Variants in TRIM50 observed in about 807,000 individuals in gnomAD.
TRIM50 encodes E3 ubiquitin-protein ligase TRIM50.
In TRIM50, 34 loss-of-function variants were observed where a neutral mutation model predicts 44.9. That is an observed-to-expected ratio of 0.76 (90% CI 0.58 to 1.01). TRIM50 has a LOEUF of 1.01. TRIM50 is among the 50% of genes least tolerant of loss of function. TRIM50 has a pLI of 0.00. For missense variants in TRIM50, 633 were observed against 663.7 expected (o/e 0.95, Z 0.51); for synonymous variants, 307 against 291.1 (o/e 1.05, Z -0.56).
intron 6 of TRIM50, 148 bp downstream of exon 6, chr7:73,316,417 T>C: frequency 9.0e-7 from 1 of 1,108,142 alleles, no homozygotes; most frequent in South Asian, 1.8e-5. Flanking sequence ...CCCAAGCTGT[T>C]CGGAAACTCA....
intron 5 of TRIM50, among the ~76,000 whole-genome samples, chr7:73,318,277 T>A (rs1583778628): frequency 6.6e-6 from 1 of 152,148 alleles, no homozygotes; most frequent in Non-Finnish European, 1.5e-5. Flanking sequence ...TATAGGCACA[T>A]GACACCATGC....
In TRIM50 at chr7:73,327,971, C is replaced by T. The variant is rs1455332396; in HGVS notation, c.-90G>A. Reference sequence around the variant, plus strand: ...CAGTTAGATGCCCCATCCTGCCCCGCGAGCTCCAATTACGTGCCCCACCTA... The same window carrying T: ...CAGTTAGATGCCCCATCCTGCCCCGTGAGCTCCAATTACGTGCCCCACCTA... On this transcript the variant is annotated 5_prime_UTR_variant, in exon 1 of 7. Transcript: ENST00000333149. 1.1e-4 allele frequency: 64 copies of T among 563,770 alleles called. No homozygotes were observed. The highest frequency in any genetic ancestry group is 1.9e-4 in the Non-Finnish European group (58 of 313,248). 34.9% of individuals were successfully genotyped at this position (563,770 alleles called of 1,614,324 possible).
chr7:73,326,134 C>A (rs1804618117), intron 1 of TRIM50, among the ~76,000 whole-genome samples: 1 of 152,240 alleles, frequency 6.6e-6, no homozygotes, highest in Non-Finnish European at 1.5e-5. Context: ...AAGCAATCCT[C>A]CCACCTTGGC....
rs1804288746 is a variant in TRIM50, at chr7:73,313,599, A to C, written c.875-89T>G. 1.8e-6 allele frequency: 2 copies of C among 1,135,138 alleles called. No homozygotes were observed. The highest frequency in any genetic ancestry group is 2.4e-6 in the Non-Finnish European group (2 of 824,696). 70.3% of individuals were successfully genotyped at this position (1,135,138 alleles called of 1,614,324 possible). On this transcript the variant is annotated intron_variant, in intron 6 of 6. Coordinates refer to ENST00000333149, the MANE Select transcript of TRIM50 (RefSeq NM_178125.3). This position sits in a 1 kb window ranked among gnomAD's most constrained non-coding sequence, Gnocchi z 4.9. ...AGCTGATGGAGGCCCTGAACTCCCCAAGGAGAGGGGCTGTGTCTTCCTCAT... is the reference window on the plus strand; with the variant it reads ...AGCTGATGGAGGCCCTGAACTCCCCCAGGAGAGGGGCTGTGTCTTCCTCAT...
chr7:73,317,992 C>T (rs1263667266), intron 5 of TRIM50, among the ~76,000 whole-genome samples: 2 of 152,174 alleles, frequency 1.3e-5, no homozygotes, highest in South Asian at 2.1e-4. Context: ...AACTCATAAC[C>T]AGAGTCCACA....
intron 6 of TRIM50, among the ~76,000 whole-genome samples, chr7:73,315,440 C>T (rs1554543904): frequency 1.3e-5 from 2 of 151,688 alleles, no homozygotes; most frequent in Non-Finnish European, 2.9e-5. Flanking sequence ...CTCACTGCAG[C>T]CTCCCAACTC....
chr7:73,326,872 C>T (rs1563306398), intron 1 of TRIM50, among the ~76,000 whole-genome samples: 1 of 152,050 alleles, frequency 6.6e-6, no homozygotes, highest in Admixed American at 6.5e-5. Context: ...TCATTGCAAC[C>T]TCCGCCTCCC....
At chr7:73,314,633 G>A in intron 6 of TRIM50, 1 of 237,488 alleles carries the variant, frequency 4.2e-6, no homozygotes, top group Non-Finnish European at 8.4e-6. Flanking sequence ...CAGATCACTT[G>A]AGGCCAGGAG....
chr7:73,323,864 G>T (rs186011898), intron 2 of TRIM50, among the ~76,000 whole-genome samples: 2 of 152,248 alleles, frequency 1.3e-5, no homozygotes, highest in East Asian at 3.9e-4. Flanking sequence ...AACATAACAA[G>T]ACCCCATTTC....
At chr7:73,323,283 G>A (rs577956266) in intron 2 of TRIM50, among the ~76,000 whole-genome samples, 21 of 152,232 alleles carry the variant, frequency 1.4e-4, no homozygotes, top group South Asian at 6.2e-4. Context: ...TGCCCCAGCC[G>A]CAGCTTACCT....
rs1554545622 is a variant in TRIM50 at position 73,324,541 on chromosome 7, C to T, written c.247G>A (p.Asp83Asn). 3 of 1,614,056 alleles carry T rather than the reference C, an allele frequency of 1.9e-6. No individual in the cohort carries two copies. Among genetic ancestry groups the T allele is most frequent in the Non-Finnish European group, 2.5e-6 (3 of 1,180,022 alleles). The change falls in exon 2 of 7, where the codon GAC (aspartate) becomes AAC (asparagine). Residue 83 changes from aspartate (D) to asparagine (N), a missense_variant. Transcript: ENST00000333149. ...RVIEALRLPG[D>N]PEPKVCVHHR... ...TGCACGCAGACCTTGGGCTCCGGGTCCCCAGGGAGCCTCAGGGCTTCGATC... is the reference window on the plus strand; with the variant it reads ...TGCACGCAGACCTTGGGCTCCGGGTTCCCAGGGAGCCTCAGGGCTTCGATC...
At chr7:73,318,150 AG>A (rs1196506819) in intron 5 of TRIM50, among the ~76,000 whole-genome samples, 8 of 152,164 alleles carry the variant, frequency 5.3e-5, no homozygotes, top group Admixed American at 5.2e-4. Context: ...TTTCTGAGAC[AG>A]GGTCTCGCTC....
intron 6 of TRIM50, 121 bp downstream of exon 6, chr7:73,316,444 A>G: frequency 7.3e-7 from 1 of 1,365,970 alleles, no homozygotes; most frequent in Non-Finnish European, 9.9e-7. Context: ...TGCTCTCACT[A>G]GGACCCTCCA....
chr7:73,324,738 G>C lies in TRIM50; in HGVS notation c.50C>G (p.Pro17Arg). ...CTCCTTGAAGACCTCCAGGCAGATG[G>C]GACACTGAAGCCGGTCCTCCAGCTC... ...LPELEDRLQC[P>R]ICLEVFKEPL... The change falls in exon 2 of 7, where the codon CCC becomes CGC. Residue 17 changes from proline (P) to arginine (R), a missense_variant. Coordinates refer to ENST00000333149, the MANE Select transcript of TRIM50 (RefSeq NM_178125.3). 6.2e-7 allele frequency: 1 copy of C among 1,614,152 alleles called. No individual in the cohort carries two copies.
In TRIM50 at chr7:73,313,208, G is replaced by A. The variant is rs782293591; in HGVS notation, c.1177C>T (p.Arg393Trp). ...GGGCAGGCAAAGGCTTCGTACACCCGGCCCTCCTTCAGGCCGATCAGCCAC... is the reference window on the plus strand; with the variant it reads ...GGGCAGGCAAAGGCTTCGTACACCCAGCCCTCCTTCAGGCCGATCAGCCAC... ...GVWLIGLKEG[R>W]VYEAFACPRV... Residue 393 changes from arginine (R) to tryptophan (W), a missense_variant, in exon 7 of 7, where the codon CGG (arginine) becomes TGG (tryptophan). Physicochemically the swap from Arg to Trp is moderately radical, Grantham distance 101. Coordinates refer to ENST00000333149, the MANE Select transcript of TRIM50 (RefSeq NM_178125.3). This position sits in a 1 kb window ranked among gnomAD's most constrained non-coding sequence, Gnocchi z 4.9. The A allele has an allele frequency of 9.3e-5, 148 of 1,591,688 alleles. No individual in the cohort carries two copies. Among genetic ancestry groups the A allele is most frequent in the Non-Finnish European group, 1.2e-4 (138 of 1,169,566 alleles).
chr7:73,316,119 G>T (rs1425305249), intron 6 of TRIM50, among the ~76,000 whole-genome samples: 1 of 151,966 alleles, frequency 6.6e-6, no homozygotes, highest in Non-Finnish European at 1.5e-5. Flanking sequence ...GACCTCAGAA[G>T]ATCCGCCCTC....
chr7:73,316,070 G>A lies in TRIM50; in HGVS notation c.874+495C>T, dbSNP rs1334347376. Among the ~76,000 whole-genome samples the A allele has an allele frequency of 7.2e-5, 11 of 151,794 alleles. No homozygotes were observed. The East Asian group carries it at 9.7e-4, about 13-fold the overall frequency. On this transcript the variant is annotated intron_variant, in intron 6 of 6. Transcript: ENST00000333149. ...TAATTCTTGTATTATTAGTAGAGAC[G>A]GGGTTTCACCATGTTGGCCAAGCTG...
At chr7:73,326,708 C>T (rs1804637961) in intron 1 of TRIM50, among the ~76,000 whole-genome samples, 2 of 152,086 alleles carry the variant, frequency 1.3e-5, no homozygotes, top group Non-Finnish European at 2.9e-5. Context: ...TGGTTACTTT[C>T]ACTCAATAAT....
rs782490278 is a variant in TRIM50, at chr7:73,324,791, C to T, written c.-4G>A. The T allele has an allele frequency of 3.7e-6, 6 of 1,613,708 alleles. No individual in the cohort carries two copies. In the East Asian group the frequency reaches 1.3e-4, roughly 36 times the overall value. The stretch of plus-strand genomic sequence containing the variant: ...GCAGGCTCACCTGCCAAGCCATCCA[C>T]ACTCACTGCCCGGGCTGAAACACAG... On this transcript the variant is annotated 5_prime_UTR_variant, in exon 2 of 7. It adds an upstream start codon to the 5' untranslated region. Coordinates refer to ENST00000333149, the MANE Select transcript of TRIM50 (RefSeq NM_178125.3).
Sources: allele counts gnomAD v4.1 joint callset (sites outside exome capture counted in the v4.1 genomes callset), GRCh38; gene constraint gnomAD v4.1.1; non-coding constraint Gnocchi (gnomAD v3.1); transcripts MANE v1.5; gene names NCBI Gene and HGNC (gene_info 2026-07-23, HGNC 2026-07-21).